GPM6A: variants seen among roughly 807,000 people sequenced by gnomAD.
The protein encoded by GPM6A is glycoprotein M6A.
GPM6A carries 7 observed loss-of-function variants against 32.1 expected under a neutral mutation model. The ratio of observed to expected loss-of-function variants is 0.22; its 90% confidence interval spans 0.12 to 0.41. The LOEUF (loss-of-function observed/expected upper bound fraction) is 0.41. GPM6A is among the 10% of genes least tolerant of loss of function. The pLI is 1.00. For synonymous variants in GPM6A, 130 were observed against 123.4 expected, an observed-to-expected ratio of 1.05 and a Z score of -0.35; for missense variants, 235 against 347.2, an observed-to-expected ratio of 0.68 and a Z score of 2.57.
At chr4:175,932,377 G>A (rs1475395303) in intron 1 of GPM6A, among the ~76,000 whole-genome samples, 3 of 152,100 alleles carry the variant, frequency 2.0e-5, no homozygotes, top group South Asian at 2.1e-4. Flanking sequence ...CCCTCCAGAC[G>A]ATGGAGCATC....
chr4:175,661,139 A>G lies in GPM6A; in HGVS notation c.388-9152T>C, dbSNP rs545364626. Among the ~76,000 whole-genome samples the G allele has an allele frequency of 5.9e-5, 9 of 152,246 alleles. No individual in the cohort carries two copies. In the South Asian group the frequency reaches 1.0e-3, roughly 17 times the overall value. On this transcript the variant is annotated intron_variant, in intron 3 of 6. Coordinates refer to ENST00000393658, the MANE Select transcript of GPM6A (RefSeq NM_201591.3). ...TCTTTCTAAGTCAGATGGAGAATTT[A>G]AACAATGTTGACACATTGAATATAT...
intron 1 of GPM6A, among the ~76,000 whole-genome samples, chr4:175,975,083 C>A (rs1489807203): frequency 6.6e-6 from 1 of 152,218 alleles, no homozygotes; most frequent in African/African-American, 2.4e-5. Context: ...ATACAACAAG[C>A]TAGTGCCTGC....
intron 1 of GPM6A, among the ~76,000 whole-genome samples, chr4:175,731,214 T>G (rs935884795): frequency 1.3e-5 from 2 of 152,214 alleles, no homozygotes. Flanking sequence ...CTGTGGCCCC[T>G]GCTTAGCTGG....
chr4:175,997,050 C>G (rs1357928347), intron 1 of GPM6A, among the ~76,000 whole-genome samples: 1 of 151,964 alleles, frequency 6.6e-6, no homozygotes, highest in Non-Finnish European at 1.5e-5. Context: ...GAGATAAACT[C>G]GTAGTCAACA....
intron 1 of GPM6A, among the ~76,000 whole-genome samples, chr4:175,764,162 C>A (rs1223828977): frequency 1.3e-5 from 2 of 152,164 alleles, no homozygotes; most frequent in African/African-American, 4.8e-5. Flanking sequence ...ATTAAGCAGT[C>A]CTGCCTCAGT....
At chr4:175,942,633 A>G (rs1484347184) in intron 1 of GPM6A, among the ~76,000 whole-genome samples, 3 of 152,154 alleles carry the variant, frequency 2.0e-5, no homozygotes, top group Non-Finnish European at 2.9e-5. Flanking sequence ...TTAAATAGGG[A>G]ATCCACTCCC....
intron 1 of GPM6A, among the ~76,000 whole-genome samples, chr4:175,791,676 G>T (rs976448956): frequency 6.6e-6 from 1 of 152,022 alleles, no homozygotes; most frequent in Non-Finnish European, 1.5e-5. Flanking sequence ...CAAAATGATT[G>T]TATCAGAATG....
intron 1 of GPM6A, among the ~76,000 whole-genome samples, chr4:175,991,894 T>C (rs1741156501): frequency 6.6e-6 from 1 of 152,178 alleles, no homozygotes; most frequent in African/African-American, 2.4e-5. Flanking sequence ...AAACATCATT[T>C]CTAGAACTTG....
chr4:175,701,655 C>A lies in GPM6A; in HGVS notation c.150G>T (p.Ala50=), dbSNP rs144181937. 1.9e-6 allele frequency: 3 copies of A among 1,613,888 alleles called. No individual in the cohort carries two copies. The Admixed American group carries it at 5.0e-5, about 27-fold the overall frequency. The part of the protein sequence containing the change: ...VALFCGCGHE[A]LSGTVNILQT... ...GCAGAATGTTGACAGTTCCAGAAAG[C>A]GCTTCATGACCGCAGCCACAGAACA... The change falls in exon 2 of 7, where the codon GCG becomes GCT. Residue 50 remains alanine, a synonymous_variant. Coordinates refer to ENST00000393658, the MANE Select transcript of GPM6A (RefSeq NM_201591.3).
At chr4:175,808,389 T>C (rs932599420) in intron 1 of GPM6A, among the ~76,000 whole-genome samples, 1 of 152,186 alleles carries the variant, frequency 6.6e-6, no homozygotes, top group Non-Finnish European at 1.5e-5. Context: ...AATAATGAGA[T>C]AGATCAACAT....
chr4:175,699,520 C>T (rs1450094624), intron 2 of GPM6A, among the ~76,000 whole-genome samples: 1 of 152,168 alleles, frequency 6.6e-6, no homozygotes, highest in Non-Finnish European at 1.5e-5. Flanking sequence ...GTTAATTCTT[C>T]ATTCCCATTT....
intron 1 of GPM6A, among the ~76,000 whole-genome samples, chr4:175,857,980 A>C (rs1332541967): frequency 6.6e-6 from 1 of 151,028 alleles, no homozygotes; most frequent in Non-Finnish European, 1.5e-5. Context: ...CAAAAAACTT[A>C]AAATATGTAG....
chr4:175,723,214 C>T (rs932493757), intron 1 of GPM6A, among the ~76,000 whole-genome samples: 5 of 152,136 alleles, frequency 3.3e-5, no homozygotes, highest in Non-Finnish European at 5.9e-5. Flanking sequence ...GTAATTATGA[C>T]TGAATGAGCA....
At chr4:175,667,780 C>A (rs1742830095) in intron 3 of GPM6A, among the ~76,000 whole-genome samples, 1 of 151,882 alleles carries the variant, frequency 6.6e-6, no homozygotes, top group Admixed American at 6.6e-5. Context: ...ACATTATATC[C>A]TAGAACAATC....
intron 1 of GPM6A, among the ~76,000 whole-genome samples, chr4:175,910,093 T>A (rs1282894863): frequency 6.6e-6 from 1 of 152,126 alleles, no homozygotes; most frequent in Non-Finnish European, 1.5e-5. Context: ...GGCATAAATA[T>A]GTCCATGGTG....
At chr4:175,732,242 G>C (rs1414949967) in intron 1 of GPM6A, among the ~76,000 whole-genome samples, 1 of 152,072 alleles carries the variant, frequency 6.6e-6, no homozygotes, top group Non-Finnish European at 1.5e-5. Flanking sequence ...TGAGATTACA[G>C]GTGTGAGCCA....
Position 175,896,879 on chromosome 4 carries a change from C to T in GPM6A, c.-22-84630G>A, listed in dbSNP as rs1737809074. On this transcript the variant is annotated intron_variant, in intron 1 of 7. Coordinates refer to the GPM6A transcript ENST00000280187. Reference sequence around the variant, plus strand: ...TGGTTCATTTGTTTGTTTCAAATCACCCAGAAATCCTCTTCTTTGAGGTGG... The same window carrying T: ...TGGTTCATTTGTTTGTTTCAAATCATCCAGAAATCCTCTTCTTTGAGGTGG... 2.0e-5 allele frequency among the ~76,000 whole-genome samples: 3 copies of T among 152,108 alleles called. No individual in the cohort carries two copies. In the South Asian group the frequency reaches 6.2e-4, roughly 31 times the overall value.
At chr4:175,830,708 G>A (rs1735583070) in intron 1 of GPM6A, among the ~76,000 whole-genome samples, 1 of 151,968 alleles carries the variant, frequency 6.6e-6, no homozygotes, top group South Asian at 2.1e-4. Context: ...TAAAATAGAA[G>A]GTTCTTACTA....
chr4:175,908,811 T>G, intron 1 of GPM6A, among the ~76,000 whole-genome samples: 1 of 152,134 alleles, frequency 6.6e-6, no homozygotes, highest in East Asian at 1.9e-4. Flanking sequence ...AAATTTGTTA[T>G]GAACCATATA....
Sources: gnomAD v4.1 joint callset for allele counts (sites outside exome capture counted in the v4.1 genomes callset) on GRCh38, gnomAD v4.1.1 for gene constraint, MANE v1.5 for transcripts, NCBI Gene and HGNC (gene_info 2026-07-23, HGNC 2026-07-21) for gene names.